TTN: variants seen among roughly 807,000 people sequenced by gnomAD.
The protein encoded by TTN is titin.
TTN carries 1,525 observed loss-of-function variants against 3,223.0 expected under a neutral mutation model. The observed-to-expected ratio is 0.47, with a 90% CI of 0.45 to 0.49. TTN has a LOEUF of 0.49. Ranked by LOEUF, TTN falls within the 20% of genes least tolerant of loss-of-function variation. The pLI is 0.00. For missense variants in TTN, 40,786 were observed against 43,424.0 expected, an observed-to-expected ratio of 0.94 and a Z score of 5.40; for synonymous variants, 14,094 against 15,161.0, an observed-to-expected ratio of 0.93 and a Z score of 5.17.
In TTN at chr2:178,740,754, GT is replaced by G. The variant is rs2154318358; in HGVS notation, c.12478del (p.Thr4160ProfsTer8). Reference sequence around the variant, plus strand: ...CATTAGAATACCTTCTTTGGAGAAGGTTTTCTGGGACTGTACAATCTGCAGC... The same window carrying G: ...CATTAGAATACCTTCTTTGGAGAAGGTTTCTGGGACTGTACAATCTGCAGC... ...LQLQIVQSQK[T>X]FSKEGILMPE... On this transcript the variant is annotated frameshift_variant, in exon 48 of 363. Coordinates refer to ENST00000589042, the MANE Select transcript of TTN (RefSeq NM_001267550.2). LOFTEE classifies it high-confidence loss of function. 1 of 1,613,740 alleles carries G rather than the reference GT, an allele frequency of 6.2e-7. No homozygotes were observed. The highest frequency in any genetic ancestry group is 8.5e-7 in the Non-Finnish European group (1 of 1,179,808).
Position 178,607,407 on chromosome 2 carries a change from C to T in TTN, c.53281G>A (p.Val17761Ile). 6.2e-7 allele frequency: 1 copy of T among 1,613,114 alleles called. No homozygotes were observed. The highest frequency in any genetic ancestry group is 1.1e-5 in the South Asian group (1 of 91,062). ...GSKFAAARVE[V>I]FDVPGPVLDL... ...TCAGTGCAACATTCCTTACCAAAAA[C>T]TTCTACCCTGGCTGCTGCAAATTTG... The change falls in exon 277 of 363, where the codon GTT becomes ATT. Residue 17761 changes from valine to isoleucine, a missense_variant. Physicochemically the swap from Val to Ile is conservative, Grantham distance 29. Coordinates refer to ENST00000589042, the MANE Select transcript of TTN (RefSeq NM_001267550.2).
Position 178,535,635 on chromosome 2 carries a change from C to T in TTN, c.100980G>A (p.Glu33660=), listed in dbSNP as rs727503536. The stretch of plus-strand genomic sequence containing the variant: ...CCACATAGAAACCAGCATCTTTTCT[C>T]TCTACCCCATTGGGGAAAACAAGTG... ...FTSLVFPNGV[E]RKDAGFYVVC... Residue 33660 remains glutamate (E), a synonymous_variant, in exon 358 of 363, where the codon GAG becomes GAA. Coordinates refer to ENST00000589042, the MANE Select transcript of TTN (RefSeq NM_001267550.2). The T allele has an allele frequency of 6.2e-7, 1 of 1,613,798 alleles. No individual in the cohort carries two copies. The highest frequency in any genetic ancestry group is 1.3e-5 in the African/African-American group (1 of 75,042).
rs767525312 is a variant in TTN, at chr2:178,757,812, G to T, written c.10408C>A (p.Pro3470Thr). The T allele has an allele frequency of 1.2e-6, 2 of 1,610,106 alleles. No individual in the cohort carries two copies. The highest frequency in any genetic ancestry group is 1.7e-5 in the Admixed American group (1 of 59,776). The change falls in exon 45 of 363, where the codon CCT becomes ACT. Residue 3470 changes from proline (P) to threonine (T), a missense_variant. Physicochemically the swap from Pro to Thr is conservative, Grantham distance 38. Coordinates refer to ENST00000589042, the MANE Select transcript of TTN (RefSeq NM_001267550.2). ...TTGTGCACCCTGAGGCTTGACAGAG[G>T]CTGGATGAAGCTGGGCTTTTGGCCA... ...PLGQKPSFIQPLSSLRVHNGE... is the reference protein window; with the variant it reads ...PLGQKPSFIQTLSSLRVHNGE...
chr2:178,592,562 A>G lies in TTN; in HGVS notation c.59443T>C (p.Phe19815Leu). 1 of 1,613,478 alleles carries G rather than the reference A, an allele frequency of 6.2e-7. No individual in the cohort carries two copies. The highest frequency in any genetic ancestry group is 8.5e-7 in the Non-Finnish European group (1 of 1,179,596). Residue 19815 changes from phenylalanine to leucine, a missense_variant, in exon 301 of 363, where the codon TTC becomes CTC. Physicochemically the swap from Phe to Leu is conservative, Grantham distance 22. Transcript: ENST00000589042. ...TCTTTTTTCCAAGTTACTTTTGGGAATGGCACTCCTTTGATGATGGCACTA... is the reference window on the plus strand; with the variant it reads ...TCTTTTTTCCAAGTTACTTTTGGGAGTGGCACTCCTTTGATGATGGCACTA... ...RLSAIIKGVP[F>L]PKVTWKKEDR...
In TTN at chr2:178,734,716, C is replaced by G; in HGVS notation, c.15208G>C (p.Val5070Leu). The G allele has an allele frequency of 6.2e-7, 1 of 1,606,688 alleles. No individual in the cohort carries two copies. Among genetic ancestry groups the G allele is most frequent in the Non-Finnish European group, 8.5e-7 (1 of 1,174,992 alleles). The change falls in exon 51 of 363, where the codon GTT becomes CTT. Residue 5070 changes from valine (V) to leucine (L), a missense_variant. By Grantham distance (32) the Val-to-Leu change is conservative. Coordinates refer to ENST00000589042, the MANE Select transcript of TTN (RefSeq NM_001267550.2). ...VGSDSCSTEI[V>L]IKEPPSFIKT... ...AACTCAGTAAACAAACCTTTGATAACTATTTCAGTACTGCAGCTATCACTG... is the reference window on the plus strand; with the variant it reads ...AACTCAGTAAACAAACCTTTGATAAGTATTTCAGTACTGCAGCTATCACTG...
chr2:178,762,052 G>T (rs1240598164), intron 43 of TTN, among the ~76,000 whole-genome samples: 1 of 152,114 alleles, frequency 6.6e-6, no homozygotes, highest in Non-Finnish European at 1.5e-5. Flanking sequence ...TCAGGGCCAC[G>T]TTTCATGCTT....
intron 46 of TTN, among the ~76,000 whole-genome samples, chr2:178,755,202 T>C (rs1220374335): frequency 6.6e-6 from 1 of 151,736 alleles, no homozygotes; most frequent in Non-Finnish European, 1.5e-5. Flanking sequence ...GGAAAGTCCA[T>C]GGATAAGAGG....
Position 178,590,281 on chromosome 2 carries a change from A to G in TTN, c.61444T>C (p.Cys20482Arg). 7 of 1,570,846 alleles carry G rather than the reference A, an allele frequency of 4.5e-6. No individual in the cohort carries two copies. The highest frequency in any genetic ancestry group is 6.0e-6 in the Non-Finnish European group (7 of 1,159,106). ...HPPEVELDVTCRDVITVRVGQ... is the reference protein window; with the variant it reads ...HPPEVELDVTRRDVITVRVGQ... ...ACTCTCACGGTAATAACATCACGAC[A>G]AGTAACATCAAGTTCTACTTCTGGA... The change falls in exon 304 of 363, where the codon TGT (cysteine) becomes CGT (arginine). Residue 20482 changes from cysteine (C) to arginine (R), a missense_variant. Coordinates refer to ENST00000589042, the MANE Select transcript of TTN (RefSeq NM_001267550.2).
chr2:178,713,114 T>A lies in TTN; in HGVS notation c.27020A>T (p.Asp9007Val), dbSNP rs1456494692. Residue 9007 changes from aspartate to valine, a missense_variant, in exon 93 of 363, where the codon GAT (aspartate) becomes GTT (valine). Asp to Val is a radical substitution (Grantham distance 152). Coordinates refer to ENST00000589042, the MANE Select transcript of TTN (RefSeq NM_001267550.2). ...CACAGTCAAAGGAGCACTACATTCA[T>A]CAGAACCAGCCATATTAGTAGCTAT... Reference protein sequence around the residue: ...TCIATNMAGSDECSAPLTVRE... With the variant: ...TCIATNMAGSVECSAPLTVRE... 1.2e-6 allele frequency: 2 copies of A among 1,613,584 alleles called. No homozygotes were observed. The highest frequency in any genetic ancestry group is 2.7e-5 in the African/African-American group (2 of 74,928).
rs770000719 is a variant in TTN, at chr2:178,528,277, G to T, written c.107374C>A (p.Leu35792Ile). The T allele has an allele frequency of 6.2e-7, 1 of 1,613,488 alleles. No individual in the cohort carries two copies. The highest frequency in any genetic ancestry group is 8.5e-7 in the Non-Finnish European group (1 of 1,179,676). The part of the protein sequence containing the change: ...QCSATASLMV[L>I]PLVEEPSREV... The stretch of plus-strand genomic sequence containing the variant: ...AGAAGGGTGAGGAGATACTTACGAA[G>T]GACCATTAAGGAAGCTGTAGCTGAA... The change falls in exon 361 of 363, where the codon CTT (leucine) becomes ATT (isoleucine). Residue 35792 changes from leucine to isoleucine, a missense_variant. Coordinates refer to ENST00000589042, the MANE Select transcript of TTN (RefSeq NM_001267550.2).
rs369503828 is a variant in TTN at position 178,576,001 on chromosome 2, T to C, written c.70131A>G (p.Thr23377=). 5.8e-5 allele frequency: 94 copies of C among 1,612,414 alleles called. No homozygotes were observed. The highest frequency in any genetic ancestry group is 5.8e-4 in the East Asian group (26 of 44,810). The change falls in exon 326 of 363, where the codon ACA becomes ACG. Residue 23377 remains threonine, a synonymous_variant. Coordinates refer to ENST00000589042, the MANE Select transcript of TTN (RefSeq NM_001267550.2). This position sits in a 1 kb window ranked among gnomAD's most constrained non-coding sequence, Gnocchi z 4.3. ...TCAGGTTGATGTTATCTTTGGTCCA[T>C]GTCACTTCAGGAGCAGGACGACCTT... ...PIKGRPAPEV[T]WTKDNINLKN...
chr2:178,677,888 G>T lies in TTN; in HGVS notation c.34024C>A (p.Pro11342Thr), dbSNP rs2068467627. The T allele has an allele frequency of 6.2e-7, 1 of 1,606,124 alleles. No homozygotes were observed. The highest frequency in any genetic ancestry group is 8.5e-7 in the Non-Finnish European group (1 of 1,177,030). The change falls in exon 146 of 363, where the codon CCT becomes ACT. Residue 11342 changes from proline (P) to threonine (T), a missense_variant. Pro to Thr is a conservative substitution (Grantham distance 38). Coordinates refer to ENST00000589042, the MANE Select transcript of TTN (RefSeq NM_001267550.2). ...VPKKREPVPV[P>T]VALPQEEEVL... The stretch of plus-strand genomic sequence containing the variant: ...TCCTCTTCCTGAGGTAGAGCTACAG[G>T]AACTGGAACTGGTTCACGTTTCTTT...
In TTN at chr2:178,728,795, A is replaced by C. The variant is rs2079833035; in HGVS notation, c.19148-17T>G. On this transcript the variant is annotated splice_polypyrimidine_tract_variant and intron_variant, in intron 65 of 362. Coordinates refer to ENST00000589042, the MANE Select transcript of TTN (RefSeq NM_001267550.2). ...GAGCTGGTTCTGTAGTAAAAATGAA[A>C]ATGTGGATGAGTTACATTGGTAACT... The C allele has an allele frequency of 3.1e-6, 5 of 1,587,884 alleles. No homozygotes were observed. The highest frequency in any genetic ancestry group is 4.3e-6 in the Non-Finnish European group (5 of 1,162,826).
At position 178,705,365 on chromosome 2, in the gene TTN, A is replaced by C; in HGVS notation, c.29421-8T>G. ...TTCTTTAAGATTGGAGTCCTAAATA[A>C]AATTTAAAAAGTAAGGATAAAACAC... On this transcript the variant is annotated splice_polypyrimidine_tract_variant and splice_region_variant and intron_variant, in intron 102 of 362. Coordinates refer to ENST00000589042, the MANE Select transcript of TTN (RefSeq NM_001267550.2). The C allele has an allele frequency of 1.3e-6, 2 of 1,526,018 alleles. No individual in the cohort carries two copies. The highest frequency in any genetic ancestry group is 1.8e-6 in the Non-Finnish European group (2 of 1,139,894). The allele number at this position is 1,526,018 out of a possible 1,614,324, so 94.5% of individuals were successfully genotyped here.
chr2:178,548,468 A>G lies in TTN; in HGVS notation c.93158T>C (p.Val31053Ala). 1 of 1,613,778 alleles carries G rather than the reference A, an allele frequency of 6.2e-7. No homozygotes were observed. The highest frequency in any genetic ancestry group is 8.5e-7 in the Non-Finnish European group (1 of 1,179,788). The change falls in exon 339 of 363, where the codon GTA becomes GCA. Residue 31053 changes from valine to alanine, a missense_variant. By Grantham distance (64) the Val-to-Ala change is moderately conservative. Transcript: ENST00000589042. The surrounding 1 kb of genome is among the most constrained non-coding windows in gnomAD (Gnocchi z 4.3). ...ACGGCGACTTGCCTCTCGTTTCTCT[A>G]CCACATAATGATGGATTCGGGCACC... Reference protein sequence around the residue: ...DGGARIHHYVVEKREASRRSW... With the variant: ...DGGARIHHYVAEKREASRRSW...
At chr2:178,756,902 C>A in intron 45 of TTN, 105 bp from the exon 46 acceptor site, 1 of 1,036,816 alleles carries the variant, frequency 9.6e-7, no homozygotes, top group Non-Finnish European at 1.4e-6. Context: ...AGATGAAAGA[C>A]GTAGTTGTCA....
rs749631373 is a variant in TTN at position 178,639,807 on chromosome 2, T to C, written c.40787-19A>G. 1.4e-5 allele frequency: 21 copies of C among 1,551,816 alleles called. No individual in the cohort carries two copies. Among genetic ancestry groups the C allele is most frequent in the Non-Finnish European group, 1.8e-5 (21 of 1,153,756 alleles). ...TTCACTTCTGTAGAGAGAAGTCCAT[T>C]GCATTAGTGTATCAATTTGTCACTT... On this transcript the variant is annotated intron_variant, in intron 222 of 362. Coordinates refer to ENST00000589042, the MANE Select transcript of TTN (RefSeq NM_001267550.2).
At position 178,718,191 on chromosome 2, in the gene TTN, T is replaced by A; in HGVS notation, c.24815A>T (p.His8272Leu). ...AGGTTCTCCAATGACTGCTTCCACA[T>A]GTTCCAGAGGTTCAATAAAGTACGG... ...EPPYFIEPLE[H>L]VEAVIGEPAT... is the part of the protein sequence containing the mutation. Residue 8272 changes from histidine (H) to leucine (L), a missense_variant, in exon 86 of 363, where the codon CAT (histidine) becomes CTT (leucine). By Grantham distance (99) the His-to-Leu change is moderately conservative. Coordinates refer to ENST00000589042, the MANE Select transcript of TTN (RefSeq NM_001267550.2). 6.2e-7 allele frequency: 1 copy of A among 1,604,076 alleles called. No homozygotes were observed. Among genetic ancestry groups the A allele is most frequent in the Non-Finnish European group, 8.5e-7 (1 of 1,178,688 alleles).
chr2:178,540,427 T>C, intron 350 of TTN, 57 bp from the exon 351 acceptor site: 1 of 1,382,738 alleles, frequency 7.2e-7, no homozygotes, highest in Non-Finnish European at 9.9e-7. Context: ...GAAAATTAGC[T>C]GTGCCACCTA....
Sources: gnomAD v4.1 joint callset for allele counts (sites outside exome capture counted in the v4.1 genomes callset) on GRCh38, gnomAD v4.1.1 for gene constraint, Gnocchi (gnomAD v3.1) non-coding constraint, MANE v1.5 for transcripts, NCBI Gene and HGNC (gene_info 2026-07-23, HGNC 2026-07-21) for gene names.